TANC2: variants seen among roughly 807,000 people sequenced by gnomAD.
TANC2 encodes the protein protein TANC2.
In TANC2, 26 loss-of-function variants were observed where a neutral mutation model predicts 210.5. The observed-to-expected ratio is 0.12, with a 90% CI of 0.09 to 0.17. TANC2 has a LOEUF of 0.17. Among genes scored for constraint, TANC2 ranks in the 10% least tolerant of loss-of-function variants. TANC2 has a pLI of 1.00. For missense variants in TANC2, 2,129 were observed against 2,608.9 expected, an observed-to-expected ratio of 0.82 and a Z score of 4.01; for synonymous variants, 931 against 967.1, an observed-to-expected ratio of 0.96 and a Z score of 0.69.
rs185932077 is a variant in TANC2, at chr17:63,334,970, T to C, written c.1576-5131T>C. On this transcript the variant is annotated intron_variant, in intron 11 of 27. Transcript: ENST00000689528. ...CAGAGCAGGAGGTGGGTTGGGGAGG[T>C]GCTACACACTTTTAAATGACCAGAT... Among the ~76,000 whole-genome samples the C allele has an allele frequency of 5.3e-4, 81 of 151,634 alleles. 1 individual carries two copies. The East Asian group carries it at 0.014, about 26-fold the overall frequency.
chr17:63,091,465 G>A (rs1489641561), intron 3 of TANC2, among the ~76,000 whole-genome samples: 1 of 152,114 alleles, frequency 6.6e-6, no homozygotes, highest in African/African-American at 2.4e-5. Context: ...TATTAAATAG[G>A]GAATCCTTCC....
chr17:63,420,562 A>G lies in TANC2; in HGVS notation c.4832A>G (p.Glu1611Gly). The change falls in exon 28 of 28, where the codon GAA (glutamate) becomes GGA (glycine). Residue 1611 changes from glutamate to glycine, a missense_variant. By Grantham distance (98) the Glu-to-Gly change is moderately conservative. Around this residue, in one of 5 missense-constraint regions of TANC2, gnomAD observed 584 missense variants for 627.3 expected, o/e 0.93. Coordinates refer to ENST00000689528, the Ensembl canonical transcript of TANC2. The surrounding 1 kb of genome is among the most constrained non-coding windows in gnomAD (Gnocchi z 4.2). ...CCTCCTGTGGGAGGACAGGGCAAAG[A>G]ATACCCAAGCCCTCCCCCTTCCCCT... The G allele has an allele frequency of 6.2e-7, 1 of 1,613,892 alleles. No individual in the cohort carries two copies. Among genetic ancestry groups the G allele is most frequent in the Non-Finnish European group, 8.5e-7 (1 of 1,179,840 alleles).
chr17:63,329,403 G>A (rs898732085), intron 11 of TANC2, among the ~76,000 whole-genome samples: 3 of 152,030 alleles, frequency 2.0e-5, no homozygotes, highest in Non-Finnish European at 4.4e-5. Context: ...CTAAAGAAAT[G>A]CAAACTAAAT....
chr17:62,984,229 T>C (rs1261316882), intron 1 of TANC2, among the ~76,000 whole-genome samples: 1 of 152,118 alleles, frequency 6.6e-6, no homozygotes, highest in Non-Finnish European at 1.5e-5. Flanking sequence ...TCCAGGAATT[T>C]ATCTATGTCC....
intron 13 of TANC2, among the ~76,000 whole-genome samples, chr17:63,352,560 G>A (rs962562428): frequency 2.0e-5 from 3 of 152,110 alleles, no homozygotes; most frequent in African/African-American, 7.2e-5. Flanking sequence ...TGTAATCTCT[G>A]ACTGCTTTAC....
chr17:63,013,063 C>A (rs955050663), intron 2 of TANC2, among the ~76,000 whole-genome samples: 2 of 141,056 alleles, frequency 1.4e-5, no homozygotes, highest in African/African-American at 5.2e-5. Flanking sequence ...AGATTTTTTT[C>A]TTTTTTTTTT....
intron 5 of TANC2, among the ~76,000 whole-genome samples, chr17:63,174,926 T>G (rs1598528530): frequency 6.6e-6 from 1 of 152,114 alleles, no homozygotes; most frequent in East Asian, 1.9e-4. Context: ...TTTAGCAAAA[T>G]TTGATCAAGA....
chr17:63,425,374 T>C (rs2049118507), exon 28 of TANC2: 1 of 152,242 alleles, frequency 6.6e-6, no homozygotes, highest in South Asian at 2.1e-4. Context: ...AGAAAGGTAT[T>C]CTCAGTCCTT....
exon 4 of TANC2, chr17:63,099,258 A>G (rs1382554870): frequency 1.2e-6 from 2 of 1,607,392 alleles, no homozygotes; most frequent in Admixed American, 1.7e-5. Flanking sequence ...TATGCAGCAC[A>G]TTCGGATTAT....
At chr17:63,061,591 G>A (rs144019626) in intron 2 of TANC2, among the ~76,000 whole-genome samples, 2,398 of 152,000 alleles carry the variant, frequency 0.016, 57 homozygotes, top group African/African-American at 0.054. Context: ...ATGCATATAT[G>A]CATATTAACA....
intron 3 of TANC2, among the ~76,000 whole-genome samples, chr17:63,086,911 C>G (rs2036989541): frequency 6.8e-6 from 1 of 146,698 alleles, no homozygotes; most frequent in African/African-American, 2.4e-5. Context: ...AATCAGCACT[C>G]TGTAAAATGG....
chr17:63,076,657 C>T (rs1313312490), intron 3 of TANC2, among the ~76,000 whole-genome samples: 1 of 152,066 alleles, frequency 6.6e-6, no homozygotes, highest in African/African-American at 2.4e-5. Context: ...GAGAGACATA[C>T]ATTTTTGCAG....
chr17:63,351,367 A>G, exon 13 of TANC2: 2 of 1,610,390 alleles, frequency 1.2e-6, no homozygotes, highest in African/African-American at 1.3e-5. Flanking sequence ...ATGATCGGAA[A>G]GTTTCCTTCT....
intron 2 of TANC2, among the ~76,000 whole-genome samples, chr17:63,065,476 A>G (rs192870808): frequency 1.3e-5 from 2 of 152,350 alleles, no homozygotes; most frequent in Admixed American, 1.3e-4. Context: ...AAAATTTTTA[A>G]GGAACCTCCA....
intron 21 of TANC2, among the ~76,000 whole-genome samples, chr17:63,408,907 A>G (rs1354915686): frequency 6.6e-6 from 1 of 152,256 alleles, no homozygotes; most frequent in African/African-American, 2.4e-5. Context: ...GTACTCTTCT[A>G]GCAAGTAAAT....
At position 63,046,325 on chromosome 17, in the gene TANC2, C is replaced by CTTTTTT. The variant is rs57550590; in HGVS notation, c.68-27599_68-27594dup. ...CAGGTGCGTGCCACCACACCCAGCTCTTTTTTTTTTTTTTTTTTTTTTTTG... is the reference window on the plus strand; with the variant it reads ...CAGGTGCGTGCCACCACACCCAGCTCTTTTTTTTTTTTTTTTTTTTTTTTTTTTTTG... On this transcript the variant is annotated intron_variant, in intron 2 of 27. Coordinates refer to ENST00000689528, the Ensembl canonical transcript of TANC2. 5.2e-4 allele frequency among the ~76,000 whole-genome samples: 23 copies of CTTTTTT among 44,142 alleles called. 3 individuals are homozygous for CTTTTTT. Among genetic ancestry groups the CTTTTTT allele is most frequent in the Non-Finnish European group, 6.7e-4 (18 of 27,058 alleles). 29.0% of individuals were successfully genotyped at this position (44,142 alleles called of 152,430 possible). A position where few individuals can be genotyped will look rare whatever the true frequency, so the allele number is the denominator to read the frequency against.
intron 3 of TANC2, among the ~76,000 whole-genome samples, chr17:63,084,369 C>G (rs924345143): frequency 4.6e-5 from 7 of 151,900 alleles, no homozygotes; most frequent in African/African-American, 1.5e-4. Flanking sequence ...GTCTCTTTCT[C>G]TCTCTCTCTT....
chr17:63,095,974 T>C (rs2144858196), intron 3 of TANC2, among the ~76,000 whole-genome samples: 1 of 152,282 alleles, frequency 6.6e-6, no homozygotes, highest in East Asian at 1.9e-4. Flanking sequence ...ATTTTTAACA[T>C]TGGAACATTT....
At chr17:63,022,051 A>G (rs1460279913) in intron 2 of TANC2, among the ~76,000 whole-genome samples, 1 of 152,098 alleles carries the variant, frequency 6.6e-6, no homozygotes, top group African/African-American at 2.4e-5. Context: ...TTTAAGAATG[A>G]CAAACTAGGC....
Sources: allele counts gnomAD v4.1 joint callset (sites outside exome capture counted in the v4.1 genomes callset), GRCh38; gene constraint gnomAD v4.1.1; regional missense constraint gnomAD v4.1.1; non-coding constraint Gnocchi (gnomAD v3.1); transcripts MANE v1.5; gene names NCBI Gene and HGNC (gene_info 2026-07-23, HGNC 2026-07-21).